Variants in CNBD1 observed in about 807,000 individuals in gnomAD.
CNBD1 encodes cyclic nucleotide-binding domain-containing protein 1.
In CNBD1, 71 loss-of-function variants were observed where a neutral mutation model predicts 54.4. That is an observed-to-expected ratio of 1.30 (90% CI 1.08 to 1.59). The LOEUF (loss-of-function observed/expected upper bound fraction) is 1.59. Ranked by LOEUF, CNBD1 falls within the 40% of genes most tolerant of loss-of-function variation. The pLI is 0.00. For missense variants in CNBD1, 659 were observed against 518.0 expected (o/e 1.27, Z -2.64); for synonymous variants, 182 against 170.7 (o/e 1.07, Z -0.51).
chr8:87,206,231 CA>C (rs1361780237), intron 5 of CNBD1, 93 bp downstream of exon 5: 10 of 1,007,032 alleles, frequency 9.9e-6, no homozygotes, highest in African/African-American at 1.7e-5. Context: ...TTTCACTTAA[CA>C]ATTTCAGTTG....
intron 4 of CNBD1, among the ~76,000 whole-genome samples, chr8:87,077,513 A>T (rs1032966273): frequency 2.0e-5 from 3 of 148,786 alleles, no homozygotes; most frequent in African/African-American, 7.5e-5. Flanking sequence ...TGCACCCATT[A>T]ACTCGTCATT....
intron 5 of CNBD1, among the ~76,000 whole-genome samples, chr8:87,224,199 T>G (rs1814419938): frequency 6.6e-6 from 1 of 151,868 alleles, no homozygotes; most frequent in South Asian, 2.1e-4. Context: ...GGTTGCCTGT[T>G]CACTCTGATG....
intron 10 of CNBD1, among the ~76,000 whole-genome samples, chr8:87,354,868 G>A (rs191617328): frequency 1.5e-3 from 221 of 152,150 alleles, no homozygotes; most frequent in African/African-American, 4.9e-3. Flanking sequence ...AATAACATAC[G>A]TATGCATTTG....
chr8:87,033,731 A>G (rs1809844888), intron 4 of CNBD1, among the ~76,000 whole-genome samples: 1 of 151,638 alleles, frequency 6.6e-6, no homozygotes, highest in South Asian at 2.1e-4. Flanking sequence ...TACATATATC[A>G]TTTCTCCTCA....
At chr8:87,179,092 G>A (rs1249515662) in intron 4 of CNBD1, among the ~76,000 whole-genome samples, 1 of 152,100 alleles carries the variant, frequency 6.6e-6, no homozygotes, top group African/African-American at 2.4e-5. Context: ...TGTATTTTTA[G>A]TAGAGATGGG....
At chr8:87,106,096 G>C (rs1185421731) in intron 4 of CNBD1, among the ~76,000 whole-genome samples, 2 of 151,920 alleles carry the variant, frequency 1.3e-5, no homozygotes, top group Non-Finnish European at 1.5e-5. Context: ...TCTACTTTTA[G>C]TATTGGAGAT....
At chr8:87,380,953 G>C (rs978684784) in intron 10 of CNBD1, among the ~76,000 whole-genome samples, 2 of 151,908 alleles carry the variant, frequency 1.3e-5, no homozygotes, top group African/African-American at 4.8e-5. Context: ...AGAAGAATAC[G>C]TAGTTAAAAA....
intron 4 of CNBD1, among the ~76,000 whole-genome samples, chr8:87,112,668 C>T (rs1027546009): frequency 3.9e-5 from 6 of 152,208 alleles, no homozygotes; most frequent in African/African-American, 1.4e-4. Context: ...ACTGGTGCAT[C>T]TGTAACCTAT....
In CNBD1 at chr8:87,248,981, A is replaced by G. The variant is rs80065575; in HGVS notation, c.771+11869A>G. ...CCAGATGCAACTATACAATTGAAGT[A>G]TATCAACTCACTACTATAACTCCTG... On this transcript the variant is annotated intron_variant, in intron 6 of 10. Coordinates refer to ENST00000518476, the MANE Select transcript of CNBD1 (RefSeq NM_173538.3). 4.4e-3 allele frequency among the ~76,000 whole-genome samples: 673 copies of G among 152,286 alleles called. 22 individuals carry two copies. Among genetic ancestry groups the G allele is most frequent in the East Asian group, 0.044 (227 of 5,164 alleles).
At chr8:87,403,776 A>C (rs1563588729) in intron 2 of CNBD1, among the ~76,000 whole-genome samples, 1 of 151,892 alleles carries the variant, frequency 6.6e-6, no homozygotes, top group Non-Finnish European at 1.5e-5. Flanking sequence ...CCAAAATTTC[A>C]AGATGTGTTT....
intron 8 of CNBD1, among the ~76,000 whole-genome samples, chr8:87,297,185 A>AAG (rs1808894071): frequency 6.7e-6 from 1 of 148,724 alleles, no homozygotes; most frequent in African/African-American, 2.5e-5. Context: ...AAAAAAAAAA[A>AAG]GGAAAAAATT....
intron 8 of CNBD1, among the ~76,000 whole-genome samples, chr8:87,340,848 T>A (rs1230950227): frequency 6.6e-6 from 1 of 152,138 alleles, no homozygotes; most frequent in Non-Finnish European, 1.5e-5. Flanking sequence ...TTATTTTGAA[T>A]TTTTTGTTGG....
chr8:87,055,611 T>G (rs890227682), intron 4 of CNBD1, among the ~76,000 whole-genome samples: 2 of 152,204 alleles, frequency 1.3e-5, no homozygotes, highest in Non-Finnish European at 2.9e-5. Flanking sequence ...TTCCTCAGGC[T>G]GCTCTATTTT....
chr8:86,965,693 G>T (rs541080582), intron 4 of CNBD1, among the ~76,000 whole-genome samples: 136 of 152,278 alleles, frequency 8.9e-4, no homozygotes, highest in African/African-American at 3.1e-3. Context: ...AACCTCTGTG[G>T]CTGCGGGTGG....
intron 4 of CNBD1, among the ~76,000 whole-genome samples, chr8:87,005,878 T>C (rs996366273): frequency 6.6e-5 from 10 of 152,102 alleles, no homozygotes; most frequent in African/African-American, 2.4e-4. Flanking sequence ...TCCTGATGAA[T>C]GTAATTCAAA....
In CNBD1 at chr8:87,286,647, T is replaced by G. The variant is rs368901496; in HGVS notation, c.1018T>G (p.Trp340Gly). 543 of 1,542,458 alleles carry G rather than the reference T, an allele frequency of 3.5e-4. 7 individuals are homozygous for G. The South Asian group carries it at 6.3e-3, about 18-fold the overall frequency. Residue 340 changes from tryptophan to glycine, a missense_variant, in exon 8 of 11, where the codon TGG becomes GGG. Physicochemically the swap from Trp to Gly is radical, Grantham distance 184 (BLOSUM62 -2). Coordinates refer to ENST00000518476, the MANE Select transcript of CNBD1 (RefSeq NM_173538.3). ...ATATGAGCTAATTGCACTCCTTAAA[T>G]GGAAAAAATTTCCTCCAGGTCATGG... ...SIYELIALLK[W>G]KKFPPGHVIV...
intron 4 of CNBD1, among the ~76,000 whole-genome samples, chr8:87,036,455 G>T (rs190329410): frequency 2.6e-5 from 4 of 151,848 alleles, no homozygotes; most frequent in Non-Finnish European, 5.9e-5. Context: ...TTAGCCAGGC[G>T]TGGTGGTGGG....
intron 4 of CNBD1, among the ~76,000 whole-genome samples, chr8:87,024,263 A>T (rs1054245700): frequency 2.7e-5 from 4 of 150,306 alleles, no homozygotes; most frequent in Admixed American, 2.0e-4. Flanking sequence ...AAAAAAAAAA[A>T]AGCTATCCAG....
intron 6 of CNBD1, among the ~76,000 whole-genome samples, chr8:87,255,467 A>T (rs1440397899): frequency 1.3e-5 from 2 of 152,176 alleles, no homozygotes; most frequent in Non-Finnish European, 2.9e-5. Flanking sequence ...GATCAGAGAA[A>T]TAACAATATA....
Sources: allele counts gnomAD v4.1 joint callset (sites outside exome capture counted in the v4.1 genomes callset), GRCh38; gene constraint gnomAD v4.1.1; transcripts MANE v1.5; gene names NCBI Gene and HGNC (gene_info 2026-07-23, HGNC 2026-07-21).